ZNF490: variants seen among roughly 807,000 people sequenced by gnomAD.
The protein encoded by ZNF490 is zinc finger protein 490.
Under a neutral mutation model 17.7 loss-of-function variants are expected in ZNF490, and 11 were observed. The ratio of observed to expected loss-of-function variants is 0.62; its 90% CI spans 0.39 to 1.03. The LOEUF (loss-of-function observed/expected upper bound fraction) is 1.03, where lower values mean the gene tolerates loss of function less well. ZNF490 is among the 50% of genes least tolerant of loss of function. ZNF490 has a pLI of 0.00. For synonymous variants in ZNF490, 222 were observed against 216.1 expected (o/e 1.03, Z -0.24); for missense variants, 542 against 643.4 (o/e 0.84, Z 1.71).
rs762298987 is a variant in ZNF490 at position 12,577,809 on chromosome 19, C to T, written c.*2676G>A. On this transcript the variant is annotated 3_prime_UTR_variant, in exon 5 of 5. Coordinates refer to ENST00000311437, the MANE Select transcript of ZNF490 (RefSeq NM_020714.3). ...GACCCACCCAGGGAGACTGTTGTTACGAGGGTGGATGGTGACCTGGTTTCC... is the reference window on the plus strand; with the variant it reads ...GACCCACCCAGGGAGACTGTTGTTATGAGGGTGGATGGTGACCTGGTTTCC... 2.3e-5 allele frequency: 23 copies of T among 985,384 alleles called. No individual in the cohort carries two copies. Among genetic ancestry groups the T allele is most frequent in the Middle Eastern group, 1.0e-3 (2 of 1,936 alleles). 61.0% of individuals were successfully genotyped at this position (985,384 alleles called of 1,614,324 possible).
At chr19:12,584,234 G>A (rs2022787473) in intron 2 of ZNF490, among the ~76,000 whole-genome samples, 1 of 90,604 alleles carries the variant, frequency 1.1e-5, no homozygotes, top group South Asian at 2.9e-4. Context: ...TTGGCTCACT[G>A]CAACCTCCTC....
chr19:12,590,933 A>T (rs1167025261), intron 2 of ZNF490, among the ~76,000 whole-genome samples: 1 of 151,640 alleles, frequency 6.6e-6, no homozygotes, highest in Non-Finnish European at 1.5e-5. Flanking sequence ...AAAAAAAAAA[A>T]ATTTTTTTTA....
chr19:12,582,719 C>A (rs1174239193), intron 4 of ZNF490, 131 bp downstream of exon 4: 1 of 844,764 alleles, frequency 1.2e-6, no homozygotes, highest in Non-Finnish European at 2.0e-6. Flanking sequence ...AATGAAACAC[C>A]TTCAGTAAAA....
In ZNF490 at chr19:12,578,672, A is replaced by G. The variant is rs2022677391; in HGVS notation, c.*1813T>C. Reference sequence around the variant, plus strand: ...TGTCTTAGAAGTACAGCATTCCCACAGTCTGACCCGAGGACACTGATGGAA... The same window carrying G: ...TGTCTTAGAAGTACAGCATTCCCACGGTCTGACCCGAGGACACTGATGGAA... On this transcript the variant is annotated 3_prime_UTR_variant, in exon 5 of 5. Transcript: ENST00000311437. 3 of 985,358 alleles carry G rather than the reference A, an allele frequency of 3.0e-6. No homozygotes were observed. The highest frequency in any genetic ancestry group is 1.2e-4 in the Admixed American group (2 of 16,262). The allele number at this position is 985,358 out of a possible 1,614,324, so 61.0% of individuals were successfully genotyped here. A position where few individuals can be genotyped will look rare whatever the true frequency, so the allele number is the denominator to read the frequency against.
chr19:12,605,303 G>A (rs2023054699), intron 2 of ZNF490, among the ~76,000 whole-genome samples: 1 of 152,092 alleles, frequency 6.6e-6, no homozygotes, highest in African/African-American at 2.4e-5. Context: ...ACAACAGAGC[G>A]AGACCCTAAC....
intron 2 of ZNF490, among the ~76,000 whole-genome samples, chr19:12,586,083 C>G (rs1478253799): frequency 1.1e-5 from 1 of 91,756 alleles, no homozygotes; most frequent in Non-Finnish European, 2.9e-5. Context: ...GGGCAGATCA[C>G]TTGACATCAG....
At position 12,583,517 on chromosome 19, in the gene ZNF490, G is replaced by C. The variant is rs146197844; in HGVS notation, c.202C>G (p.Leu68Val). Residue 68 changes from leucine (L) to valine (V), a missense_variant, in exon 3 of 5, where the codon CTG (leucine) becomes GTG (valine). By Grantham distance (32) the Leu-to-Val change is conservative (BLOSUM62 1). Transcript: ENST00000311437. ...GGATCCAGCAAAGCCCACTCCTCCA[G>C]GGTGAAGTTCACAGCCACATCCTCA... is the stretch of plus-strand genomic sequence containing the variant. ...SLEDVAVNFT[L>V]EEWALLDPGQ... The C allele has an allele frequency of 2.3e-5, 37 of 1,605,882 alleles. No individual in the cohort carries two copies. The African/African-American group carries it at 4.7e-4, about 20-fold the overall frequency.
intron 2 of ZNF490, among the ~76,000 whole-genome samples, chr19:12,584,452 G>A (rs541146686): frequency 4.3e-5 from 4 of 93,952 alleles, no homozygotes; most frequent in South Asian, 2.8e-4. Context: ...CACCGCGCCC[G>A]GCCACCTTAT....
chr19:12,602,080 A>ATACACACACACC, intron 2 of ZNF490, among the ~76,000 whole-genome samples: 1 of 15,384 alleles, frequency 6.5e-5, no homozygotes, highest in Non-Finnish European at 2.5e-4. Context: ...TTCACTATAT[A>ATACACACACACC]CACACACACA....
chr19:12,602,274 C>T (rs34321000), intron 2 of ZNF490, among the ~76,000 whole-genome samples: 78,646 of 151,864 alleles, frequency 0.52, 22,929 homozygotes, highest in Non-Finnish European at 0.67. Context: ...TTGGCTGGCG[C>T]GGTAGCTCCC....
chr19:12,586,897 C>A (rs1350676473), intron 2 of ZNF490, among the ~76,000 whole-genome samples: 1 of 91,774 alleles, frequency 1.1e-5, no homozygotes, highest in South Asian at 2.8e-4. Flanking sequence ...ATGGAGAAAC[C>A]CTGTCTCTAC....
rs910682060 is a variant in ZNF490, at chr19:12,576,363, C to T, written c.*4122G>A. Among the ~76,000 whole-genome samples, 35 of 151,012 alleles carry T rather than the reference C, an allele frequency of 2.3e-4. No individual in the cohort carries two copies. The highest frequency in any genetic ancestry group is 8.1e-4 in the African/African-American group (33 of 40,982). ...TCTACTAAAAATAAAAAAACTAGCTCGGTATGGTGGCACGCGCCTGTAATC... is the reference window on the plus strand; with the variant it reads ...TCTACTAAAAATAAAAAAACTAGCTTGGTATGGTGGCACGCGCCTGTAATC... On this transcript the variant is annotated 3_prime_UTR_variant, in exon 5 of 5. Coordinates refer to ENST00000311437, the MANE Select transcript of ZNF490 (RefSeq NM_020714.3).
In ZNF490 at chr19:12,577,992, A is replaced by G. The variant is rs1568276364; in HGVS notation, c.*2493T>C. 1 of 985,316 alleles carries G rather than the reference A, an allele frequency of 1.0e-6. No individual in the cohort carries two copies. Among genetic ancestry groups the G allele is most frequent in the Non-Finnish European group, 1.2e-6 (1 of 829,980 alleles). 61.0% of individuals were successfully genotyped at this position (985,316 alleles called of 1,614,324 possible). Reference sequence around the variant, plus strand: ...AAGCAGTTTATTGGGAGTTGAGTTCACCTTGCCTTGTGATGTGAAGCAAGG... The same window carrying G: ...AAGCAGTTTATTGGGAGTTGAGTTCGCCTTGCCTTGTGATGTGAAGCAAGG... On this transcript the variant is annotated 3_prime_UTR_variant, in exon 5 of 5. Transcript: ENST00000311437.
intron 2 of ZNF490, 151 bp from the exon 3 acceptor site, chr19:12,583,707 T>G: frequency 1.7e-6 from 1 of 589,322 alleles, no homozygotes. Flanking sequence ...CTTTCCATAC[T>G]CACTTCCTCA....
intron 2 of ZNF490, among the ~76,000 whole-genome samples, chr19:12,593,421 TG>T (rs1271652765): frequency 6.6e-6 from 1 of 152,060 alleles, no homozygotes; most frequent in Non-Finnish European, 1.5e-5. Context: ...CTAATTTTTT[TG>T]TATTTTTAGT....
rs1288065284 is a variant in ZNF490 at position 12,583,545 on chromosome 19, G to A, written c.174C>T (p.Ser58=). The A allele has an allele frequency of 1.9e-6, 3 of 1,598,360 alleles. No homozygotes were observed. The South Asian group carries it at 3.3e-5, about 18-fold the overall frequency. ...TGAAGTTCACAGCCACATCCTCAAG[G>A]GAGATGGAGTCCTAAAACATCCCCC... The part of the protein sequence containing the change: ...QSIKTQTDSI[S]LEDVAVNFTL... Residue 58 remains serine (S), a synonymous_variant, in exon 3 of 5, where the codon TCC becomes TCT. Transcript: ENST00000311437.
intron 2 of ZNF490, among the ~76,000 whole-genome samples, chr19:12,589,832 G>T (rs570930888): frequency 6.6e-6 from 1 of 152,074 alleles, no homozygotes; most frequent in Admixed American, 6.6e-5. Flanking sequence ...GTAATATGAG[G>T]AACAAGGTAA....
intron 2 of ZNF490, among the ~76,000 whole-genome samples, chr19:12,604,618 T>G (rs1183749961): frequency 6.6e-6 from 1 of 150,558 alleles, no homozygotes; most frequent in African/African-American, 2.4e-5. Flanking sequence ...GCCAAGATTG[T>G]GCCACTGCAC....
chr19:12,607,537 G>A (rs8105902), intron 2 of ZNF490, among the ~76,000 whole-genome samples: 99,940 of 151,348 alleles, frequency 0.66, 34,035 homozygotes, highest in African/African-American at 0.74. Flanking sequence ...TATAATAACA[G>A]TAATAATAAT....
Sources: gnomAD v4.1 joint callset for allele counts (sites outside exome capture counted in the v4.1 genomes callset) on GRCh38, gnomAD v4.1.1 for gene constraint, MANE v1.5 for transcripts, NCBI Gene and HGNC (gene_info 2026-07-23, HGNC 2026-07-21) for gene names.